C1orf185: variants seen among roughly 807,000 people sequenced by gnomAD.
The protein encoded by C1orf185 is uncharacterized protein C1orf185.
Under a neutral mutation model 16.1 loss-of-function variants are expected in C1orf185, and 13 were observed. The observed-to-expected ratio is 0.81, with a 90% CI of 0.53 to 1.28. C1orf185 has a LOEUF of 1.28. Ranked by LOEUF, C1orf185 falls within the 50% of genes most tolerant of loss-of-function variation. C1orf185 has a pLI of 0.00. For missense variants in C1orf185, 220 were observed against 225.2 expected (o/e 0.98, Z 0.15); for synonymous variants, 80 against 76.9 (o/e 1.04, Z -0.21).
chr1:51,103,611 G>A (rs986332540), intron 1 of C1orf185, among the ~76,000 whole-genome samples: 1 of 147,996 alleles, frequency 6.8e-6, no homozygotes, highest in Admixed American at 6.8e-5. Flanking sequence ...TCGGCTCACT[G>A]CAACCTCTGC....
intron 3 of C1orf185, among the ~76,000 whole-genome samples, chr1:51,141,592 T>C (rs997573926): frequency 3.9e-5 from 6 of 152,122 alleles, no homozygotes; most frequent in Non-Finnish European, 8.8e-5. Flanking sequence ...AACCAAGAGG[T>C]GTCCCAAAAG....
intron 3 of C1orf185, among the ~76,000 whole-genome samples, chr1:51,126,449 T>C (rs1646241308): frequency 6.6e-6 from 1 of 151,990 alleles, no homozygotes; most frequent in African/African-American, 2.4e-5. Flanking sequence ...ATTGTAGAGA[T>C]AGAGTCTTGC....
chr1:51,102,753 T>C (rs1321778814), intron 1 of C1orf185, among the ~76,000 whole-genome samples: 2 of 152,098 alleles, frequency 1.3e-5, no homozygotes, highest in Admixed American at 6.5e-5. Flanking sequence ...ATTATTTTCT[T>C]CCTCTACTTT....
chr1:51,123,926 T>C (rs1305465876), intron 3 of C1orf185, among the ~76,000 whole-genome samples: 2 of 151,524 alleles, frequency 1.3e-5, no homozygotes, highest in Non-Finnish European at 2.9e-5. Flanking sequence ...ATATATATTT[T>C]ATACACACAT....
At chr1:51,147,100 G>T (rs1165303375) in intron 4 of C1orf185, among the ~76,000 whole-genome samples, 1 of 151,984 alleles carries the variant, frequency 6.6e-6, no homozygotes, top group East Asian at 1.9e-4. Context: ...TCAGAAAGTT[G>T]AATTTGTAAT....
At chr1:51,150,408 G>T (rs544711122), downstream of C1orf185, among the ~76,000 whole-genome samples, 3 of 152,158 alleles carry the variant, frequency 2.0e-5, no homozygotes, top group East Asian at 1.9e-4. Context: ...GGCCAGGCTG[G>T]TCTTGAACTC....
Position 51,112,530 on chromosome 1 carries a change from C to A in C1orf185, c.83C>A (p.Ala28Asp). 1 of 1,550,674 alleles carries A rather than the reference C, an allele frequency of 6.4e-7. No individual in the cohort carries two copies. Among genetic ancestry groups the A allele is most frequent in the South Asian group, 1.2e-5 (1 of 83,836 alleles). The change falls in exon 2 of 5, where the codon GCT (alanine) becomes GAT (aspartate). Residue 28 changes from alanine to aspartate, a missense_variant. Ala to Asp is a moderately radical substitution (Grantham distance 126). Transcript: ENST00000371759. The stretch of plus-strand genomic sequence containing the variant: ...GTCACTTTGGGAATTGGTTTCTTTG[C>A]TTTGGCATCAGCTTTGTGGTTCCTG... ...GAVTLGIGFF[A>D]LASALWFLIC...
At chr1:51,123,858 T>C (rs1448845385) in intron 3 of C1orf185, among the ~76,000 whole-genome samples, 1 of 152,140 alleles carries the variant, frequency 6.6e-6, no homozygotes, top group East Asian at 1.9e-4. Context: ...ATTGATTTTC[T>C]TATTGCTGAG....
intron 3 of C1orf185, among the ~76,000 whole-genome samples, chr1:51,131,291 A>G (rs1646283431): frequency 6.6e-6 from 1 of 152,214 alleles, no homozygotes. Flanking sequence ...TATTTGTTGA[A>G]AAAGTAAACA....
chr1:51,128,791 G>C (rs1047532257), intron 3 of C1orf185, among the ~76,000 whole-genome samples: 1 of 152,116 alleles, frequency 6.6e-6, no homozygotes, highest in African/African-American at 2.4e-5. Context: ...GTATATATTT[G>C]TGTGTGTGAC....
intron 1 of C1orf185, among the ~76,000 whole-genome samples, chr1:51,103,410 AAC>A (rs367808687): frequency 1.2e-3 from 156 of 128,922 alleles, no homozygotes; most frequent in East Asian, 3.6e-3. Context: ...TGTCTCGAAA[AAC>A]ACACACACAC....
intron 3 of C1orf185, among the ~76,000 whole-genome samples, chr1:51,127,392 G>C (rs771180745): frequency 1.3e-5 from 2 of 151,952 alleles, no homozygotes; most frequent in Non-Finnish European, 2.9e-5. Context: ...GGGTTCAAGC[G>C]ATTCTCCTGC....
intron 1 of C1orf185, among the ~76,000 whole-genome samples, chr1:51,109,515 A>ATTT: frequency 6.6e-6 from 1 of 150,638 alleles, no homozygotes; most frequent in Non-Finnish European, 1.5e-5. Context: ...CATTTCCCCT[A>ATTT]TTTTTTTTTC....
At chr1:51,125,403 T>C (rs1248421717) in intron 3 of C1orf185, among the ~76,000 whole-genome samples, 1 of 152,212 alleles carries the variant, frequency 6.6e-6, no homozygotes, top group Non-Finnish European at 1.5e-5. Flanking sequence ...TGAAGTTTAA[T>C]AGCAGTAGGG....
At chr1:51,129,092 C>T (rs1557649217) in intron 3 of C1orf185, among the ~76,000 whole-genome samples, 1 of 151,992 alleles carries the variant, frequency 6.6e-6, no homozygotes, top group Non-Finnish European at 1.5e-5. Flanking sequence ...ACCATGTTGG[C>T]CAGGCTGGTC....
chr1:51,112,389 G>T (rs1030527178), intron 1 of C1orf185, 75 bp from the exon 2 acceptor site: 3 of 1,197,032 alleles, frequency 2.5e-6, no homozygotes, highest in East Asian at 2.6e-5. Context: ...TATATCATTT[G>T]AAGTTTATCA....
At chr1:51,134,000 T>A (rs1646304697) in intron 3 of C1orf185, among the ~76,000 whole-genome samples, 1 of 152,082 alleles carries the variant, frequency 6.6e-6, no homozygotes, top group Admixed American at 6.6e-5. Context: ...GAGAATTACT[T>A]GAACCTGGGA....
At chr1:51,140,305 G>A (rs1405928008) in intron 3 of C1orf185, among the ~76,000 whole-genome samples, 2 of 151,816 alleles carry the variant, frequency 1.3e-5, no homozygotes, top group Non-Finnish European at 2.9e-5. Flanking sequence ...TTGGTCATCT[G>A]AAAATGACAT....
chr1:51,150,916 G>A (rs1458308995), downstream of C1orf185, among the ~76,000 whole-genome samples: 2 of 152,206 alleles, frequency 1.3e-5, no homozygotes, highest in Admixed American at 6.5e-5. Flanking sequence ...TCAAATGGAC[G>A]GTAATGCATA....
Sources: allele counts gnomAD v4.1 joint callset (sites outside exome capture counted in the v4.1 genomes callset), GRCh38; gene constraint gnomAD v4.1.1; transcripts MANE v1.5; gene names NCBI Gene and HGNC (gene_info 2026-07-23, HGNC 2026-07-21).